MAP7D3: variants seen among roughly 807,000 people sequenced by gnomAD.
MAP7D3 encodes MAP7 domain-containing protein 3.
Under a neutral mutation model 62.2 loss-of-function variants are expected in MAP7D3, and 45 were observed. That is an observed-to-expected ratio of 0.72 (90% confidence interval 0.57 to 0.93). The LOEUF is 0.93. MAP7D3 is among the 40% of genes least tolerant of loss of function. The pLI, the probability that MAP7D3 is intolerant of heterozygous loss-of-function variation, is 0.00. For missense variants in MAP7D3, 711 were observed against 683.1 expected (o/e 1.04, Z -0.45); for synonymous variants, 288 against 248.8 (o/e 1.16, Z -1.48).
At chrX:136,240,517 A>G (rs372714397) in intron 5 of MAP7D3, 31 bp from the exon 6 acceptor site, 4 of 925,929 alleles carry the variant, frequency 4.3e-6, no homozygotes, top group Non-Finnish European at 6.2e-6. Flanking sequence ...TACTGTAATC[A>G]TATTTCAAGG....
chrX:136,216,557 G>A (rs1390883265), downstream of MAP7D3, among the ~76,000 whole-genome samples: 1 of 109,383 alleles, frequency 9.1e-6, no homozygotes, highest in African/African-American at 3.3e-5. Context: ...CTATGATCGT[G>A]CCACTGTACT....
At position 136,231,647 on chromosome X, in the gene MAP7D3, C is replaced by A. The variant is rs779056561; in HGVS notation, c.1310G>T (p.Ser437Ile). The change falls in exon 8 of 19, where the codon AGC becomes ATC. Residue 437 changes from serine to isoleucine, a missense_variant. Ser to Ile is a moderately radical substitution (Grantham distance 142). Transcript: ENST00000316077. Reference sequence around the variant, plus strand: ...CATCGCCTCAGGAGATGCCTCCATGCTCTCCTTGGGTGACCCTTTCACACT... The same window carrying A: ...CATCGCCTCAGGAGATGCCTCCATGATCTCCTTGGGTGACCCTTTCACACT... ...KESVKGSPKE[S>I]MEASPEAMVK... 1 of 1,209,552 alleles carries A rather than the reference C, an allele frequency of 8.3e-7. No homozygotes were observed. The highest frequency in any genetic ancestry group is 1.1e-6 in the Non-Finnish European group (1 of 894,102).
intron 7 of MAP7D3, among the ~76,000 whole-genome samples, 195 bp from the exon 8 acceptor site, chrX:136,232,415 T>G (rs1455820595): frequency 8.9e-6 from 1 of 112,218 alleles, no homozygotes; most frequent in African/African-American, 3.2e-5. Flanking sequence ...AAGTCACTAC[T>G]TCGGAAGCAA....
rs773466649 is a variant in MAP7D3 at position 136,228,756 on chromosome X, AC to A, written c.1752del (p.Glu584AspfsTer11). On this transcript the variant is annotated frameshift_variant and splice_region_variant, in exon 11 of 19. Transcript: ENST00000316077. LOFTEE classifies it high-confidence loss of function. The part of the protein sequence containing the change: ...ALSQRHMIYE[E>X]SGNKSTAGIM... The stretch of plus-strand genomic sequence containing the variant: ...ATACCTGCAGTACTCTTATTACCAG[AC>A]TCTAGTTTAAATAAATATGTGCAAC... 6.8e-6 allele frequency: 8 copies of A among 1,178,756 alleles called. No individual in the cohort carries two copies. In the South Asian group the frequency reaches 1.6e-4, roughly 23 times the overall value.
intron 1 of MAP7D3, among the ~76,000 whole-genome samples, chrX:136,248,827 A>T (rs1293740135): frequency 1.8e-5 from 2 of 112,368 alleles, no homozygotes; most frequent in Non-Finnish European, 3.8e-5. Flanking sequence ...AGCTAAACAT[A>T]ACTTTCCCAG....
chrX:136,229,429 G>A (rs1419476178), intron 10 of MAP7D3, among the ~76,000 whole-genome samples: 9 of 111,357 alleles, frequency 8.1e-5, no homozygotes, highest in Non-Finnish European at 1.5e-4. Context: ...ATTCACTGTG[G>A]AATTCCGTAA....
Position 136,228,731 on chromosome X carries a change from A to G in MAP7D3, c.1778T>C (p.Ile593Thr). Reference sequence around the variant, plus strand: ...TTTTGTTGCCGCCTCGGCATTCATAATACCTGCAGTACTCTTATTACCAGA... The same window carrying G: ...TTTTGTTGCCGCCTCGGCATTCATAGTACCTGCAGTACTCTTATTACCAGA... ...EESGNKSTAG[I>T]MNAEAATKIL... Residue 593 changes from isoleucine to threonine, a missense_variant, in exon 11 of 19, where the codon ATT becomes ACT. By Grantham distance (89) the Ile-to-Thr change is moderately conservative. Transcript: ENST00000316077. 8.3e-7 allele frequency: 1 copy of G among 1,204,631 alleles called. No homozygotes were observed. Among genetic ancestry groups the G allele is most frequent in the Non-Finnish European group, 1.1e-6 (1 of 890,907 alleles).
intron 13 of MAP7D3, 67 bp from the exon 14 acceptor site, chrX:136,224,947 A>G (rs751705386): frequency 9.5e-6 from 7 of 736,738 alleles, no homozygotes; most frequent in Non-Finnish European, 2.1e-6. Flanking sequence ...GTCCTAAAGG[A>G]GTTGATTATC....
chrX:136,238,309 C>T (rs2074353290), intron 6 of MAP7D3, among the ~76,000 whole-genome samples: 1 of 111,943 alleles, frequency 8.9e-6, no homozygotes, highest in Non-Finnish European at 1.9e-5. Context: ...ACACTGACTA[C>T]ATGTCTCATT....
At position 136,229,980 on chromosome X, in the gene MAP7D3, TATATATATA is replaced by T. The variant is rs1216388651; in HGVS notation, c.1750+396_1750+404del. 2.7e-3 allele frequency among the ~76,000 whole-genome samples: 168 copies of T among 63,192 alleles called. 1 individual carries two copies. Among genetic ancestry groups the T allele is most frequent in the South Asian group, 5.4e-3 (6 of 1,117 alleles). The allele number at this position is 63,192 out of a possible 115,157, so 54.9% of individuals were successfully genotyped here. ...TTGTGTGTGTATATATATATATATA[TATATATATA>T]TATATTTTTTTTTTTTTTGTAGAAA... On this transcript the variant is annotated intron_variant, in intron 10 of 18. Transcript: ENST00000316077.
At chrX:136,226,990 G>A (rs1350302263) in intron 12 of MAP7D3, among the ~76,000 whole-genome samples, 1 of 110,996 alleles carries the variant, frequency 9.0e-6, no homozygotes, top group Non-Finnish European at 1.9e-5. Flanking sequence ...TGAGCTGAGC[G>A]TGGTGTCAGA....
Position 136,232,317 on chromosome X carries a change from G to A in MAP7D3, c.737-97C>T. The A allele has an allele frequency of 5.1e-6, 3 of 587,896 alleles. No homozygotes were observed. The South Asian group carries it at 8.5e-5, about 17-fold the overall frequency. 48.4% of individuals were successfully genotyped at this position (587,896 alleles called of 1,213,427 possible). ...TATAAGAACAGGAACACAGAAAAGAGATTGTTTATTAGGAAAGCACAGGGA... is the reference window on the plus strand; with the variant it reads ...TATAAGAACAGGAACACAGAAAAGAAATTGTTTATTAGGAAAGCACAGGGA... On this transcript the variant is annotated intron_variant, in intron 7 of 18. Coordinates refer to ENST00000316077, the MANE Select transcript of MAP7D3 (RefSeq NM_024597.4).
intron 11 of MAP7D3, 88 bp from the exon 12 acceptor site, chrX:136,227,519 G>T: frequency 3.3e-6 from 2 of 599,805 alleles, no homozygotes; most frequent in Non-Finnish European, 5.2e-6. Flanking sequence ...GAAACTTCCT[G>T]TGTATAGTAA....
At chrX:136,243,681 C>T (rs1191394734) in intron 4 of MAP7D3, among the ~76,000 whole-genome samples, 1 of 106,863 alleles carries the variant, frequency 9.4e-6, no homozygotes, top group African/African-American at 3.4e-5. Context: ...CCAGCCTGGG[C>T]GACAGAGTGA....
At position 136,251,343 on chromosome X, in the gene MAP7D3, C is replaced by T. The variant is rs1333663986; in HGVS notation, c.16G>A (p.Ala6Thr). Residue 6 changes from alanine (A) to threonine (T), a missense_variant, in exon 1 of 19, where the codon GCC (alanine) becomes ACC (threonine). Ala to Thr is a moderately conservative substitution (Grantham distance 58, BLOSUM62 0). Coordinates refer to ENST00000316077, the MANE Select transcript of MAP7D3 (RefSeq NM_024597.4). MMADG[A>T]AAGAGGSPSL... is the part of the protein sequence containing the mutation. The stretch of plus-strand genomic sequence containing the variant: ...GGGCTGCCGCCAGCGCCAGCTGCGG[C>T]GCCGTCCGCCATCATCGGAGTCGGG... The T allele has an allele frequency of 2.7e-6, 3 of 1,125,111 alleles. No homozygotes were observed. The highest frequency in any genetic ancestry group is 3.5e-6 in the Non-Finnish European group (3 of 858,324). 92.7% of individuals were successfully genotyped at this position (1,125,111 alleles called of 1,213,427 possible). A position where few individuals can be genotyped will look rare whatever the true frequency, so the allele number is the denominator to read the frequency against.
At chrX:136,247,062 T>C (rs2074455941) in intron 1 of MAP7D3, among the ~76,000 whole-genome samples, 1 of 112,485 alleles carries the variant, frequency 8.9e-6, no homozygotes, top group Non-Finnish European at 1.9e-5. Flanking sequence ...TCCAATGAGA[T>C]GGTATCATTC....
intron 7 of MAP7D3, among the ~76,000 whole-genome samples, chrX:136,234,216 A>G (rs1432907293): frequency 9.1e-6 from 1 of 109,900 alleles, no homozygotes; most frequent in Non-Finnish European, 1.9e-5. Flanking sequence ...GGAACAATGC[A>G]TTAGTCCTTT....
chrX:136,251,248 C>T, intron 1 of MAP7D3, 41 bp downstream of exon 1: 1 of 1,090,642 alleles, frequency 9.2e-7, no homozygotes, highest in East Asian at 3.7e-5. Flanking sequence ...CTGCCTCCCA[C>T]GCGGGCCCGA....
chrX:136,215,634 A>G (rs902215059), downstream of MAP7D3, among the ~76,000 whole-genome samples: 1 of 112,036 alleles, frequency 8.9e-6, no homozygotes, highest in Non-Finnish European at 1.9e-5. Context: ...CCACCACACC[A>G]TCCCCACCAA....
Sources: gnomAD v4.1 joint callset for allele counts (sites outside exome capture counted in the v4.1 genomes callset) on GRCh38, gnomAD v4.1.1 for gene constraint, MANE v1.5 for transcripts, NCBI Gene and HGNC (gene_info 2026-07-23, HGNC 2026-07-21) for gene names.